Variants in CHLSN observed in about 807,000 individuals in gnomAD.
The protein encoded by CHLSN is cholesin, also known as protein cholesin.
chr7:1,054,003 C>T, the CHLSN span, among the ~76,000 whole-genome samples: 9 of 152,316 alleles, frequency 5.9e-5, no homozygotes, highest in South Asian at 6.2e-4. Flanking sequence ...TCCACCCAGG[C>T]GTGGCCGAGG....
At chr7:1,058,471 G>A in the CHLSN span, 125 of 780,268 alleles carry the variant, frequency 1.6e-4, no homozygotes, top group African/African-American at 6.9e-4. Flanking sequence ...TGCGGGGACC[G>A]GCACTGCTCC....
chr7:980,635 C>T, the CHLSN span, among the ~76,000 whole-genome samples: 2 of 151,640 alleles, frequency 1.3e-5, no homozygotes, highest in Admixed American at 6.6e-5. Flanking sequence ...GCAAGCAACA[C>T]GTACAGGCAG....
At chr7:1,098,129 G>C in the CHLSN span, among the ~76,000 whole-genome samples, 6 of 152,210 alleles carry the variant, frequency 3.9e-5, no homozygotes, top group Non-Finnish European at 7.3e-5. Context: ...TGCCTCTTAG[G>C]AAGCCCACAC....
the CHLSN span, among the ~76,000 whole-genome samples, chr7:1,095,807 G>C: frequency 6.6e-6 from 1 of 152,214 alleles, no homozygotes; most frequent in Non-Finnish European, 1.5e-5. Flanking sequence ...TGTAGCACTC[G>C]GCAACCCCTG....
At chr7:1,006,075 G>A in the CHLSN span, among the ~76,000 whole-genome samples, 19 of 152,344 alleles carry the variant, frequency 1.2e-4, no homozygotes, top group South Asian at 2.1e-4. Context: ...TCTTTAATGA[G>A]GAACAGGCTT....
chr7:1,052,464 G>A, the CHLSN span, among the ~76,000 whole-genome samples: 1 of 152,194 alleles, frequency 6.6e-6, no homozygotes, highest in Non-Finnish European at 1.5e-5. The surrounding 1 kb of genome is among the most constrained non-coding windows in gnomAD (Gnocchi z 4.2). Context: ...TGGTAACAGT[G>A]GGAGGTAGGC....
At chr7:986,592 C>G in the CHLSN span, 8 of 1,610,674 alleles carry the variant, frequency 5.0e-6, no homozygotes, top group Admixed American at 1.3e-4. Context: ...GGGGCTGCGT[C>G]CTTATCTCCG....
chr7:1,036,170 G>C, the CHLSN span, among the ~76,000 whole-genome samples: 8 of 152,206 alleles, frequency 5.3e-5, no homozygotes, highest in Non-Finnish European at 1.2e-4. Flanking sequence ...GCTGCGTGTG[G>C]TGCTGTAACA....
chr7:1,083,280 A>G, the CHLSN span, among the ~76,000 whole-genome samples: 2 of 152,240 alleles, frequency 1.3e-5, no homozygotes, highest in Non-Finnish European at 2.9e-5. Context: ...CTGACGGGCC[A>G]GATGGTCTCT....
At chr7:1,010,146 G>C in the CHLSN span, 1 of 1,607,016 alleles carries the variant, frequency 6.2e-7, no homozygotes, top group Non-Finnish European at 8.5e-7. Flanking sequence ...GCTTCGCCCT[G>C]AAAGTCAAGG....
At chr7:1,091,905 G>C in the CHLSN span, 1 of 1,614,126 alleles carries the variant, frequency 6.2e-7, no homozygotes, top group Non-Finnish European at 8.5e-7. Context: ...TGATCGGCCT[G>C]TTCCTCTCGT....
At chr7:978,360 A>G in the CHLSN span, among the ~76,000 whole-genome samples, 1 of 152,144 alleles carries the variant, frequency 6.6e-6, no homozygotes, top group African/African-American at 2.4e-5. Flanking sequence ...TCTATAAAAA[A>G]TACAAAAATT....
the CHLSN span, among the ~76,000 whole-genome samples, chr7:1,029,246 G>C: frequency 1.1e-4 from 16 of 152,146 alleles, no homozygotes; most frequent in African/African-American, 3.1e-4. Context: ...TCCCACCTTG[G>C]CCTTCCGAGT....
At chr7:981,247 G>T in the CHLSN span, among the ~76,000 whole-genome samples, 1 of 148,234 alleles carries the variant, frequency 6.7e-6, no homozygotes, top group South Asian at 2.1e-4. Context: ...AGTGAGCCAA[G>T]ATCATGCCAC....
At chr7:1,113,435 T>C in the CHLSN span, among the ~76,000 whole-genome samples, 1 of 152,152 alleles carries the variant, frequency 6.6e-6, no homozygotes, top group East Asian at 1.9e-4. Context: ...GCTGTTCCTG[T>C]TCGGAGCAGG....
At chr7:1,129,749 G>A in the CHLSN span, among the ~76,000 whole-genome samples, 2 of 152,138 alleles carry the variant, frequency 1.3e-5, no homozygotes, top group East Asian at 1.9e-4. Context: ...AGCCCCGTTC[G>A]GTCTTTTTTC....
the CHLSN span, among the ~76,000 whole-genome samples, chr7:1,112,413 C>A: frequency 6.6e-6 from 1 of 152,172 alleles, no homozygotes; most frequent in Non-Finnish European, 1.5e-5. Context: ...CTCTGAGAGA[C>A]GCCTGGCAAG....
the CHLSN span, chr7:988,630 C>G: frequency 3.1e-6 from 5 of 1,602,862 alleles, no homozygotes; most frequent in African/African-American, 1.3e-5. Context: ...GGACATCCCC[C>G]GCAGGCCGCC....
chr7:1,073,344 G>C, the CHLSN span, among the ~76,000 whole-genome samples: 24 of 152,184 alleles, frequency 1.6e-4, no homozygotes, highest in Admixed American at 1.4e-3. Context: ...TTCCACTCCC[G>C]TTTCGGAGAC....
Sources: gnomAD v4.1 joint callset for allele counts (sites outside exome capture counted in the v4.1 genomes callset) on GRCh38, gnomAD v4.1.1 for gene constraint, Gnocchi (gnomAD v3.1) non-coding constraint, MANE v1.5 for transcripts, NCBI Gene and HGNC (gene_info 2026-07-23, HGNC 2026-07-21) for gene names.